Variants in CELF4 observed in about 807,000 individuals in gnomAD.
CELF4 encodes CUG-BP- and ETR-3-like factor 4.
CELF4 carries 18 observed loss-of-function variants against 59.9 expected under a neutral mutation model. The observed-to-expected ratio is 0.30, with a 90% confidence interval of 0.21 to 0.45. The LOEUF (loss-of-function observed/expected upper bound fraction) is 0.45, where lower values mean the gene tolerates loss of function less well. Among genes scored for constraint, CELF4 ranks in the 20% least tolerant of loss-of-function variants. The pLI, the probability that CELF4 is intolerant of heterozygous loss-of-function variation, is 1.00. For synonymous variants in CELF4, 261 were observed against 267.1 expected (o/e 0.98, Z 0.22); for missense variants, 456 against 689.0 (o/e 0.66, Z 3.79).
At chr18:37,323,853 C>T (rs1297332344) in intron 2 of CELF4, among the ~76,000 whole-genome samples, 1 of 152,174 alleles carries the variant, frequency 6.6e-6, no homozygotes, top group Non-Finnish European at 1.5e-5. Context: ...GGGATTCAGC[C>T]AGGATGAGTA....
At chr18:37,424,250 T>C (rs2099598292) in intron 2 of CELF4, among the ~76,000 whole-genome samples, 2 of 152,158 alleles carry the variant, frequency 1.3e-5, no homozygotes, top group African/African-American at 2.4e-5. Context: ...AACATGCTGG[T>C]AGACTTTACC....
chr18:37,340,240 C>T (rs1018450441), intron 2 of CELF4, among the ~76,000 whole-genome samples: 2 of 152,212 alleles, frequency 1.3e-5, no homozygotes, highest in Admixed American at 6.5e-5. Flanking sequence ...AGAAATGCCA[C>T]GTTAAGTGAG....
At chr18:37,434,672 G>A (rs1603639018) in intron 2 of CELF4, among the ~76,000 whole-genome samples, 1 of 152,244 alleles carries the variant, frequency 6.6e-6, no homozygotes, top group Admixed American at 6.5e-5. Flanking sequence ...ATGGGGATTG[G>A]CCTTACAGCA....
chr18:37,487,344 C>G (rs897737685), intron 1 of CELF4, among the ~76,000 whole-genome samples: 24 of 152,202 alleles, frequency 1.6e-4, no homozygotes, highest in African/African-American at 5.3e-4. Context: ...GGAGAAAAGC[C>G]TGGGAGACAG....
At chr18:37,445,702 TTTCCAAAAGAGAAAGGGAGGCATA>T (rs1269899273) in intron 2 of CELF4, among the ~76,000 whole-genome samples, 60 of 152,172 alleles carry the variant, frequency 3.9e-4, no homozygotes, top group African/African-American at 1.4e-3. Context: ...AAGGCAACTC[TTTCCAAAAGAGAAAGGGAGGCATA>T]AGTCCGATGC....
intron 2 of CELF4, among the ~76,000 whole-genome samples, chr18:37,445,072 CAT>C (rs1329953980): frequency 6.6e-6 from 1 of 152,160 alleles, no homozygotes; most frequent in Admixed American, 6.5e-5. Context: ...TTTTTAAAGA[CAT>C]AGCCTGAGGG....
At chr18:37,508,251 T>G (rs142624436) in intron 1 of CELF4, among the ~76,000 whole-genome samples, 2,446 of 152,024 alleles carry the variant, frequency 0.016, 69 homozygotes, top group African/African-American at 0.055. Flanking sequence ...CCAGTGGAGA[T>G]TGGGGTTGGT....
chr18:37,328,334 G>A (rs981723631), intron 2 of CELF4, among the ~76,000 whole-genome samples: 3 of 152,202 alleles, frequency 2.0e-5, no homozygotes, highest in African/African-American at 7.2e-5. Context: ...TGCCCCGCAG[G>A]GAGCTGGGGA....
At chr18:37,273,324 ACCT>A (rs1445819429) in intron 6 of CELF4, 161 bp from the exon 7 acceptor site, 2 of 1,424,854 alleles carry the variant, frequency 1.4e-6, no homozygotes, top group Admixed American at 2.9e-5. Flanking sequence ...CTTGCCCTGT[ACCT>A]CAACAGCTAT....
At chr18:37,348,360 G>T (rs1262541006) in intron 2 of CELF4, among the ~76,000 whole-genome samples, 5 of 152,084 alleles carry the variant, frequency 3.3e-5, no homozygotes, top group African/African-American at 4.8e-5. Flanking sequence ...GGGCTTCTTT[G>T]GTCCCTTCCT....
intron 2 of CELF4, among the ~76,000 whole-genome samples, chr18:37,433,904 T>G (rs2099679714): frequency 6.6e-6 from 1 of 152,228 alleles, no homozygotes; most frequent in Non-Finnish European, 1.5e-5. Flanking sequence ...GACCTCAAAA[T>G]CCCTACAAGA....
chr18:37,445,393 G>A (rs2099745396), intron 2 of CELF4, among the ~76,000 whole-genome samples: 1 of 152,052 alleles, frequency 6.6e-6, no homozygotes, highest in African/African-American at 2.4e-5. Context: ...AGTTGGGTTT[G>A]GGGTCTGCTG....
intron 1 of CELF4, among the ~76,000 whole-genome samples, chr18:37,505,245 T>C (rs1307240590): frequency 6.6e-6 from 1 of 152,238 alleles, no homozygotes; most frequent in Non-Finnish European, 1.5e-5. Context: ...GCCTGGTGAC[T>C]GGGGCCAGCC....
chr18:37,266,139 C>A (rs761230102), intron 9 of CELF4: 4 of 343,888 alleles, frequency 1.2e-5, no homozygotes, highest in Non-Finnish European at 2.2e-5. Flanking sequence ...CTTCCTGGGC[C>A]AGTGACTGTG....
At chr18:37,526,908 C>T (rs1300104976) in intron 1 of CELF4, among the ~76,000 whole-genome samples, 1 of 152,032 alleles carries the variant, frequency 6.6e-6, no homozygotes, top group Admixed American at 6.6e-5. Flanking sequence ...GGTCACCACA[C>T]CGATTCTCTG....
At chr18:37,442,913 A>G (rs556168814) in intron 2 of CELF4, among the ~76,000 whole-genome samples, 1 of 152,140 alleles carries the variant, frequency 6.6e-6, no homozygotes, top group South Asian at 2.1e-4. Flanking sequence ...TACCAACCAC[A>G]CTGCCTTCTG....
At chr18:37,484,028 C>T (rs1488435727) in intron 2 of CELF4, among the ~76,000 whole-genome samples, 2 of 152,124 alleles carry the variant, frequency 1.3e-5, no homozygotes, top group Non-Finnish European at 2.9e-5. Flanking sequence ...TCCTAAACCT[C>T]CCCCTCTCAC....
chr18:37,565,708 C>CGCTT lies in CELF4; in HGVS notation c.-68_-67insAAGC, dbSNP rs1470513947. ...CTCTCGCTCCTCTCTCTCGCTCGCTCGCGCTCACACACGCACACGCATACA... is the reference window on the plus strand; with the variant it reads ...CTCTCGCTCCTCTCTCTCGCTCGCTCGCTTGCGCTCACACACGCACACGCATACA... On this transcript the variant is annotated 5_prime_UTR_variant, in exon 1 of 13. Coordinates refer to ENST00000420428, the MANE Select transcript of CELF4 (RefSeq NM_020180.4). 37 of 1,443,170 alleles carry CGCTT rather than the reference C, an allele frequency of 2.6e-5. No homozygotes were observed. Among genetic ancestry groups the CGCTT allele is most frequent in the Middle Eastern group, 2.0e-4 (1 of 5,072 alleles). The allele number at this position is 1,443,170 out of a possible 1,614,324, so 89.4% of individuals were successfully genotyped here. A position where few individuals can be genotyped will look rare whatever the true frequency, so the allele number is the denominator to read the frequency against.
chr18:37,327,754 C>T (rs189223003), intron 2 of CELF4, among the ~76,000 whole-genome samples: 43 of 152,310 alleles, frequency 2.8e-4, no homozygotes, highest in African/African-American at 8.9e-4. Flanking sequence ...CATGGGCCCT[C>T]CTCAGAGCTG....
Sources: allele counts gnomAD v4.1 joint callset (sites outside exome capture counted in the v4.1 genomes callset), GRCh38; gene constraint gnomAD v4.1.1; transcripts MANE v1.5; gene names NCBI Gene and HGNC (gene_info 2026-07-23, HGNC 2026-07-21).